The following GRIN2B variants were observed in gnomAD, a reference collection of about 807,000 sequenced individuals.
GRIN2B encodes glutamate receptor ionotropic, NMDA 2B.
Under a neutral mutation model 114.5 loss-of-function variants are expected in GRIN2B, and 5 were observed. The observed-to-expected ratio is 0.04, with a 90% CI of 0.02 to 0.09. The LOEUF (loss-of-function observed/expected upper bound fraction) is 0.09. Among genes scored for constraint, GRIN2B ranks in the 10% least tolerant of loss-of-function variants. The probability of loss-of-function intolerance (pLI) is 1.00; values close to 1 mark genes in which losing one functional copy is unlikely to be tolerated. For synonymous variants in GRIN2B, 787 were observed against 745.1 expected (o/e 1.06, Z -0.92); for missense variants, 1,108 against 1,943.5 (o/e 0.57, Z 8.08).
chr12:13,762,778 G>A (rs1863703992), intron 3 of GRIN2B, among the ~76,000 whole-genome samples: 2 of 152,184 alleles, frequency 1.3e-5, no homozygotes, highest in South Asian at 4.1e-4. Flanking sequence ...ACTAGGCATG[G>A]CTGAGTTTAA....
In GRIN2B at chr12:13,947,868, C is replaced by T. The variant is rs185824401; in HGVS notation, c.-19+32060G>A. ...AACTCACTTCCATAACGTTAAACCA[C>T]GCTGTAGGCTTTAACCTACTACCCT... On this transcript the variant is annotated intron_variant, in intron 2 of 13. Coordinates refer to ENST00000609686, the MANE Select transcript of GRIN2B (RefSeq NM_000834.5). Among the ~76,000 whole-genome samples the T allele has an allele frequency of 3.2e-3, 490 of 152,292 alleles. 2 individuals are homozygous for T. The highest frequency in any genetic ancestry group is 0.02 in the Middle Eastern group (6 of 294).
At chr12:13,657,012 C>A (rs555407507) in intron 5 of GRIN2B, among the ~76,000 whole-genome samples, 6 of 152,138 alleles carry the variant, frequency 3.9e-5, no homozygotes, top group Non-Finnish European at 8.8e-5. Flanking sequence ...GAAAACGGAT[C>A]AATCGCACCA....
chr12:13,603,189 A>G (rs961022834), intron 10 of GRIN2B, among the ~76,000 whole-genome samples: 2 of 152,240 alleles, frequency 1.3e-5, no homozygotes, highest in Non-Finnish European at 2.9e-5. Context: ...ATTCTTCTCT[A>G]TTTAAAATAA....
rs140312724 is a variant in GRIN2B, at chr12:13,861,398, A to G, written c.411+4400T>C. Among the ~76,000 whole-genome samples the G allele has an allele frequency of 6.7e-4, 102 of 152,320 alleles. No individual in the cohort carries two copies. The East Asian group carries it at 0.016, about 24-fold the overall frequency. Reference sequence around the variant, plus strand: ...AGAAAAACCTCCTAGAAATAAATGGAAATACATCTAGCTTCAGTTCATTAT... The same window carrying G: ...AGAAAAACCTCCTAGAAATAAATGGGAATACATCTAGCTTCAGTTCATTAT... On this transcript the variant is annotated intron_variant, in intron 3 of 13. Coordinates refer to ENST00000609686, the MANE Select transcript of GRIN2B (RefSeq NM_000834.5).
chr12:13,968,645 T>C (rs912873259), intron 2 of GRIN2B, among the ~76,000 whole-genome samples: 9 of 152,250 alleles, frequency 5.9e-5, no homozygotes, highest in Non-Finnish European at 1.3e-4. Context: ...TCTTTCATAA[T>C]AGAAAGAAAA....
At chr12:13,736,988 C>G (rs1191659079) in intron 4 of GRIN2B, among the ~76,000 whole-genome samples, 1 of 134,920 alleles carries the variant, frequency 7.4e-6, no homozygotes, top group Admixed American at 8.7e-5. Context: ...AGAGATTGCA[C>G]CATTGCACTC....
intron 2 of GRIN2B, among the ~76,000 whole-genome samples, chr12:13,945,216 A>G (rs1867341003): frequency 6.6e-6 from 1 of 152,232 alleles, no homozygotes; most frequent in Non-Finnish European, 1.5e-5. Flanking sequence ...GCAAAATGCA[A>G]CTAAGCACCT....
At chr12:13,582,171 T>G (rs1002660350) in intron 10 of GRIN2B, among the ~76,000 whole-genome samples, 1 of 152,188 alleles carries the variant, frequency 6.6e-6, no homozygotes, top group African/African-American at 2.4e-5. Context: ...AAACTGGCTG[T>G]GGATATGGTG....
chr12:13,916,676 C>G (rs1172471135), intron 2 of GRIN2B, among the ~76,000 whole-genome samples: 3 of 150,526 alleles, frequency 2.0e-5, no homozygotes, highest in Non-Finnish European at 4.4e-5. Context: ...AGCAAGACCC[C>G]ATCTCTATCT....
rs1031542700 is a variant in GRIN2B at position 13,541,582 on chromosome 12, T to G, written c.*21201A>C. The G allele has an allele frequency of 6.6e-6, 1 of 152,238 alleles. No individual in the cohort carries two copies. Among genetic ancestry groups the G allele is most frequent in the African/African-American group, 2.4e-5 (1 of 41,464 alleles). 9.4% of individuals were successfully genotyped at this position (152,238 alleles called of 1,614,324 possible). ...TGCATAAAGTAAGGTATGACTGAGT[T>G]GGCTGTGATACCTTAAGAACTCAAG... On this transcript the variant is annotated 3_prime_UTR_variant, in exon 14 of 14. Coordinates refer to ENST00000609686, the MANE Select transcript of GRIN2B (RefSeq NM_000834.5).
chr12:13,778,140 TC>T (rs925684721), intron 3 of GRIN2B, among the ~76,000 whole-genome samples: 1 of 152,216 alleles, frequency 6.6e-6, no homozygotes, highest in African/African-American at 2.4e-5. Flanking sequence ...TCTGACCCGC[TC>T]CTTTCTTCCT....
rs1017512665 is a variant in GRIN2B, at chr12:13,557,395, C to A, written c.*5388G>T. The A allele has an allele frequency of 6.6e-6, 1 of 152,148 alleles. No homozygotes were observed. The highest frequency in any genetic ancestry group is 1.5e-5 in the Non-Finnish European group (1 of 68,020). 9.4% of individuals were successfully genotyped at this position (152,148 alleles called of 1,614,324 possible). A position where few individuals can be genotyped will look rare whatever the true frequency, so the allele number is the denominator to read the frequency against. On this transcript the variant is annotated 3_prime_UTR_variant, in exon 14 of 14. Coordinates refer to ENST00000609686, the MANE Select transcript of GRIN2B (RefSeq NM_000834.5). ...GGAGGTGGAAAGTATAGGATATAGA[C>A]CAACTCAGCTAATTGGAAGATTAAT...
At chr12:13,941,356 C>G (rs949103571) in intron 2 of GRIN2B, among the ~76,000 whole-genome samples, 1 of 152,192 alleles carries the variant, frequency 6.6e-6, no homozygotes, top group Non-Finnish European at 1.5e-5. Flanking sequence ...AGAAGAAAAG[C>G]TGACAACTCC....
intron 2 of GRIN2B, among the ~76,000 whole-genome samples, chr12:13,946,260 G>C (rs1867360924): frequency 6.6e-6 from 1 of 151,894 alleles, no homozygotes; most frequent in African/African-American, 2.4e-5. Flanking sequence ...ATAATTTCTG[G>C]CATATAATAA....
At chr12:13,682,810 T>G (rs1950143156) in intron 4 of GRIN2B, among the ~76,000 whole-genome samples, 1 of 152,114 alleles carries the variant, frequency 6.6e-6, no homozygotes, top group African/African-American at 2.4e-5. Flanking sequence ...CACCATCTAT[T>G]ATGAAGAAAA....
At chr12:13,781,457 A>G (rs1309155038) in intron 3 of GRIN2B, among the ~76,000 whole-genome samples, 3 of 152,240 alleles carry the variant, frequency 2.0e-5, no homozygotes, top group East Asian at 3.8e-4. Flanking sequence ...TGATAATTCT[A>G]TTGTACTTGA....
At position 13,540,683 on chromosome 12, in the gene GRIN2B, A is replaced by G. The variant is rs1367975923; in HGVS notation, c.*22100T>C. 1 of 152,142 alleles carries G rather than the reference A, an allele frequency of 6.6e-6. No individual in the cohort carries two copies. The highest frequency in any genetic ancestry group is 1.5e-5 in the Non-Finnish European group (1 of 68,034). 9.4% of individuals were successfully genotyped at this position (152,142 alleles called of 1,614,324 possible). On this transcript the variant is annotated 3_prime_UTR_variant, in exon 14 of 14. Transcript: ENST00000609686. ...CCCCTCCCCCCACTCCAGAATCTCA[A>G]TTGATCCCTGCATGTCCAAAATAAG...
At chr12:13,794,077 G>T (rs1370654564) in intron 3 of GRIN2B, among the ~76,000 whole-genome samples, 2 of 148,892 alleles carry the variant, frequency 1.3e-5, no homozygotes, top group Admixed American at 1.3e-4. Context: ...AAATTATCCA[G>T]GTGTCGTAAC....
At chr12:13,902,755 G>A (rs1171632329) in intron 2 of GRIN2B, among the ~76,000 whole-genome samples, 1 of 152,146 alleles carries the variant, frequency 6.6e-6, no homozygotes, top group Non-Finnish European at 1.5e-5. Context: ...AGGTTGCAGT[G>A]AGCTGAGATC....
Sources: allele counts gnomAD v4.1 joint callset (sites outside exome capture counted in the v4.1 genomes callset), GRCh38; gene constraint gnomAD v4.1.1; transcripts MANE v1.5; gene names NCBI Gene and HGNC (gene_info 2026-07-23, HGNC 2026-07-21).